Variants in SPECC1 observed in about 807,000 individuals in gnomAD.
The protein encoded by SPECC1 is cytospin-B.
Under a neutral mutation model 104.1 loss-of-function variants are expected in SPECC1, and 62 were observed. The observed-to-expected ratio is 0.60, with a 90% CI of 0.49 to 0.74. SPECC1 has a LOEUF of 0.74. Among genes scored for constraint, SPECC1 ranks in the 30% least tolerant of loss-of-function variants. The pLI is 0.00. For synonymous variants in SPECC1, 513 were observed against 501.6 expected (o/e 1.02, Z -0.30); for missense variants, 1,306 against 1,310.5 (o/e 1.00, Z 0.05).
chr17:20,167,687 A>C (rs549085880), intron 3 of SPECC1, among the ~76,000 whole-genome samples: 12 of 152,312 alleles, frequency 7.9e-5, no homozygotes, highest in African/African-American at 2.9e-4. Context: ...TCAAAAACAA[A>C]AAGAAAATAC....
At chr17:20,246,142 A>C (rs565071502) in intron 8 of SPECC1, 71 bp downstream of exon 8, 3 of 1,564,412 alleles carry the variant, frequency 1.9e-6, no homozygotes. Flanking sequence ...TATGTCTACT[A>C]TCTCTACTCC....
intron 1 of SPECC1, among the ~76,000 whole-genome samples, chr17:20,086,426 G>T (rs1383605513): frequency 6.6e-6 from 1 of 152,226 alleles, no homozygotes; most frequent in East Asian, 1.9e-4. Context: ...ACAGCACTCA[G>T]TGTGGTTGGG....
intron 3 of SPECC1, among the ~76,000 whole-genome samples, chr17:20,160,162 TGGTTACA>T (rs2033002282): frequency 6.6e-6 from 1 of 152,222 alleles, no homozygotes; most frequent in African/African-American, 2.4e-5. Flanking sequence ...ATGCTAACTG[TGGTTACA>T]GATAAATTCC....
chr17:20,254,040 T>C (rs2039730003), intron 10 of SPECC1, among the ~76,000 whole-genome samples: 1 of 152,134 alleles, frequency 6.6e-6, no homozygotes, highest in Non-Finnish European at 1.5e-5. Context: ...AAATCTTACC[T>C]GATTTTGAAT....
At chr17:20,214,544 G>C (rs1395935567) in intron 4 of SPECC1, among the ~76,000 whole-genome samples, 2 of 152,128 alleles carry the variant, frequency 1.3e-5, no homozygotes, top group Non-Finnish European at 2.9e-5. Context: ...GTCTTGCTCT[G>C]TTATCCAGGC....
chr17:20,286,237 A>G (rs1257683166), intron 12 of SPECC1, among the ~76,000 whole-genome samples: 3 of 152,198 alleles, frequency 2.0e-5, no homozygotes, highest in African/African-American at 4.8e-5. Flanking sequence ...CTTCCACTCA[A>G]GGATAACAAT....
At chr17:20,287,990 T>C (rs2041015829) in intron 12 of SPECC1, among the ~76,000 whole-genome samples, 5 of 151,188 alleles carry the variant, frequency 3.3e-5, no homozygotes, top group Admixed American at 3.3e-4. Flanking sequence ...GTTGTTTCTC[T>C]CCATGTGTCC....
intron 1 of SPECC1, among the ~76,000 whole-genome samples, chr17:20,064,561 A>T (rs1303253768): frequency 6.6e-6 from 1 of 152,202 alleles, no homozygotes; most frequent in Admixed American, 6.5e-5. Flanking sequence ...GGAGGACAGC[A>T]GGAGGATCTG....
At chr17:20,188,955 A>G (rs2035470176) in intron 3 of SPECC1, among the ~76,000 whole-genome samples, 1 of 152,166 alleles carries the variant, frequency 6.6e-6, no homozygotes, top group South Asian at 2.1e-4. Flanking sequence ...TGAATTTATT[A>G]TGTTTTCCTG....
intron 4 of SPECC1, among the ~76,000 whole-genome samples, chr17:20,225,731 C>T (rs762168357): frequency 7.1e-4 from 108 of 152,120 alleles, no homozygotes; most frequent in Non-Finnish European, 6.3e-4. Context: ...GCACTGTGAT[C>T]GTTCATCTGA....
At chr17:20,088,977 C>A (rs2047292379) in intron 1 of SPECC1, among the ~76,000 whole-genome samples, 1 of 152,222 alleles carries the variant, frequency 6.6e-6, no homozygotes, top group Non-Finnish European at 1.5e-5. Flanking sequence ...TCACCAGACA[C>A]TGAATCTGCT....
rs1267148312 is a variant in SPECC1, at chr17:20,237,314, TG to T, written c.2351+4910del. On this transcript the variant is annotated intron_variant, in intron 7 of 14. Coordinates refer to ENST00000395527, the MANE Select transcript of SPECC1 (RefSeq NM_001243439.2). ...TGTTGTTGTTGTTGTTGTTTTGTTTTGTTTTTTTTTTTTTTTTGAGACAGAG... is the reference window on the plus strand; with the variant it reads ...TGTTGTTGTTGTTGTTGTTTTGTTTTTTTTTTTTTTTTTTTTGAGACAGAG... The T allele has an allele frequency of 8.0e-4, 828 of 1,032,250 alleles. 4 individuals are homozygous for T. In the African/African-American group the frequency reaches 0.016, roughly 19 times the overall value. The allele number at this position is 1,032,250 out of a possible 1,614,324, so 63.9% of individuals were successfully genotyped here.
At chr17:20,044,633 A>C (rs2045466404) in intron 1 of SPECC1, among the ~76,000 whole-genome samples, 2 of 152,244 alleles carry the variant, frequency 1.3e-5, no homozygotes, top group South Asian at 4.1e-4. Context: ...TATGAGTAGC[A>C]ACAAAGGAAG....
chr17:20,262,020 G>A lies in SPECC1; in HGVS notation c.2940+1726G>A, dbSNP rs118137939. ...GTATGCATCCGTAAGTACTATGTTA[G>A]TATTGCTTGCATTTGAATTTTATTA... On this transcript the variant is annotated intron_variant, in intron 12 of 14. Coordinates refer to ENST00000395527, the MANE Select transcript of SPECC1 (RefSeq NM_001243439.2). Among the ~76,000 whole-genome samples, 607 of 152,182 alleles carry A rather than the reference G, an allele frequency of 4.0e-3. 6 individuals are homozygous for A. Among genetic ancestry groups the A allele is most frequent in the Non-Finnish European group, 6.5e-3 (443 of 68,014 alleles).
At chr17:20,095,779 G>C (rs1355186121) in intron 1 of SPECC1, 1 of 152,688 alleles carries the variant, frequency 6.5e-6, no homozygotes, top group Non-Finnish European at 1.5e-5. Flanking sequence ...AGAACATCAT[G>C]GGTTTGGTGC....
At chr17:20,169,815 A>G (rs1004560803) in intron 3 of SPECC1, among the ~76,000 whole-genome samples, 2 of 152,076 alleles carry the variant, frequency 1.3e-5, no homozygotes, top group Non-Finnish European at 1.5e-5. Flanking sequence ...ACTTTTAAAC[A>G]TTTCTAACTC....
intron 1 of SPECC1, among the ~76,000 whole-genome samples, chr17:20,079,999 G>T (rs952065248): frequency 3.9e-5 from 6 of 152,158 alleles, no homozygotes; most frequent in Admixed American, 6.6e-5. Context: ...CTGTTTCCCA[G>T]ATTTTAGTTC....
chr17:20,155,919 G>C (rs1055229426), intron 3 of SPECC1: 40 of 1,209,490 alleles, frequency 3.3e-5, no homozygotes, highest in Non-Finnish European at 3.5e-5. Flanking sequence ...GGCCGCGCCT[G>C]GCGGGCGGTG....
chr17:20,199,835 G>GCTGCC (rs2036295898), intron 3 of SPECC1, among the ~76,000 whole-genome samples: 1 of 152,110 alleles, frequency 6.6e-6, no homozygotes, highest in African/African-American at 2.4e-5. Context: ...TGTTGCCCAG[G>GCTGCC]CTGGCGTGCA....
Sources: gnomAD v4.1 joint callset for allele counts (sites outside exome capture counted in the v4.1 genomes callset) on GRCh38, gnomAD v4.1.1 for gene constraint, MANE v1.5 for transcripts, NCBI Gene and HGNC (gene_info 2026-07-23, HGNC 2026-07-21) for gene names.